Variants in XPNPEP1 observed in about 807,000 individuals in gnomAD.
XPNPEP1 encodes X-prolyl aminopeptidase 1.
A neutral mutation model predicts 92.4 loss-of-function variants in XPNPEP1; 39 were observed. The observed-to-expected ratio is 0.42, with a 90% CI of 0.33 to 0.55. The LOEUF is 0.55. Among genes scored for constraint, XPNPEP1 ranks in the 20% least tolerant of loss-of-function variants. The pLI is 0.08. For synonymous variants in XPNPEP1, 307 were observed against 299.4 expected (o/e 1.03, Z -0.26); for missense variants, 654 against 856.1 (o/e 0.76, Z 2.95).
At position 109,867,157 on chromosome 10, in the gene XPNPEP1, T is replaced by TG. The variant is rs1287868516; in HGVS notation, c.1872+1456dup. On this transcript the variant is annotated intron_variant, in intron 20 of 20. Coordinates refer to ENST00000502935, the MANE Select transcript of XPNPEP1 (RefSeq NM_020383.4). The surrounding 1 kb of genome is among the most constrained non-coding windows in gnomAD (Gnocchi z 4.5). ...CCCCTTGCTAAGTCCCTGGAAGCTG[T>TG]GCCCAAGGGCCATTACAAGAGACAC... Among the ~76,000 whole-genome samples, 1 of 152,338 alleles carries TG rather than the reference T, an allele frequency of 6.6e-6. No individual in the cohort carries two copies. The highest frequency in any genetic ancestry group is 1.9e-4 in the East Asian group (1 of 5,180).
intron 12 of XPNPEP1, among the ~76,000 whole-genome samples, chr10:109,879,214 C>A (rs1333695375): frequency 4.0e-5 from 6 of 151,468 alleles, no homozygotes; most frequent in Non-Finnish European, 8.8e-5. Flanking sequence ...TGCACTCCAG[C>A]CTGGGCGATG....
At chr10:109,923,259 C>G in intron 1 of XPNPEP1, 143 bp downstream of exon 1, 1 of 1,187,610 alleles carries the variant, frequency 8.4e-7, no homozygotes, top group Non-Finnish European at 1.0e-6. Flanking sequence ...TGTTCCGGGG[C>G]TCCGGCGAGC....
intron 2 of XPNPEP1, among the ~76,000 whole-genome samples, chr10:109,909,992 T>C (rs1849775511): frequency 6.6e-6 from 1 of 152,220 alleles, no homozygotes; most frequent in Admixed American, 6.5e-5. Context: ...CCTGCATTCA[T>C]TCGTGGTGTT....
At chr10:109,892,503 C>T (rs925052608) in intron 4 of XPNPEP1, 1 of 157,794 alleles carries the variant, frequency 6.3e-6, no homozygotes, top group African/African-American at 2.4e-5. Context: ...AGTGGGGAGT[C>T]CACCCTAAAA....
chr10:109,912,135 C>G (rs1033297183), intron 2 of XPNPEP1, among the ~76,000 whole-genome samples: 44 of 152,116 alleles, frequency 2.9e-4, no homozygotes, highest in African/African-American at 9.9e-4. Flanking sequence ...GCATATCAGA[C>G]CCCCACAGAA....
rs1259572071 is a variant in XPNPEP1, at chr10:109,921,198, T to C, written c.32+2204A>G. Reference sequence around the variant, plus strand: ...CTAGAAGAATATACCTCAGGGACTATCCAACTCAATTCCCTCCTCTAGACC... The same window carrying C: ...CTAGAAGAATATACCTCAGGGACTACCCAACTCAATTCCCTCCTCTAGACC... On this transcript the variant is annotated intron_variant, in intron 1 of 20. Coordinates refer to ENST00000502935, the MANE Select transcript of XPNPEP1 (RefSeq NM_020383.4). Among the ~76,000 whole-genome samples the C allele has an allele frequency of 2.6e-5, 4 of 152,192 alleles. No homozygotes were observed. In the East Asian group the frequency reaches 7.7e-4, roughly 29 times the overall value.
intron 5 of XPNPEP1, among the ~76,000 whole-genome samples, chr10:109,889,832 AG>A (rs974922364): frequency 6.6e-6 from 1 of 152,202 alleles, no homozygotes; most frequent in Non-Finnish European, 1.5e-5. Context: ...GGAAGTGCAA[AG>A]GTTTATAAAG....
At chr10:109,883,781 T>C (rs1378305981) in intron 9 of XPNPEP1, 1 of 318,814 alleles carries the variant, frequency 3.1e-6, no homozygotes, top group East Asian at 5.3e-5. Context: ...TAATTGAGCA[T>C]ATATACCCCT....
At chr10:109,899,145 G>C (rs532018105) in intron 3 of XPNPEP1, among the ~76,000 whole-genome samples, 1 of 152,252 alleles carries the variant, frequency 6.6e-6, no homozygotes, top group South Asian at 2.1e-4. Flanking sequence ...ACCAAGTCAG[G>C]GTATGTGGGA....
At chr10:109,902,622 C>T (rs1346112965) in intron 3 of XPNPEP1, among the ~76,000 whole-genome samples, 3 of 152,128 alleles carry the variant, frequency 2.0e-5, no homozygotes, top group Non-Finnish European at 4.4e-5. Flanking sequence ...ATAGAAATGA[C>T]AGTTAAGATT....
In XPNPEP1 at chr10:109,882,614, C is replaced by G; in HGVS notation, c.859G>C (p.Ala287Pro). Residue 287 changes from alanine to proline, a missense_variant, in exon 10 of 21, where the codon GCC (alanine) becomes CCC (proline). Ala to Pro is a conservative substitution (Grantham distance 27). Transcript: ENST00000502935. ...MLFIDGDRID[A>P]PSVKEHLLLD... ...AGCAGGTGCTCCTTCACACTGGGGG[C>G]GTCTATGCGGTCACCATCAATGAAG... The G allele has an allele frequency of 6.2e-7, 1 of 1,614,044 alleles. No individual in the cohort carries two copies. The highest frequency in any genetic ancestry group is 1.1e-5 in the South Asian group (1 of 91,070).
rs528461931 is a variant in XPNPEP1, at chr10:109,891,690, A to G, written c.415+32T>C. 3 of 1,524,224 alleles carry G rather than the reference A, an allele frequency of 2.0e-6. No individual in the cohort carries two copies. In the African/African-American group the frequency reaches 4.2e-5, roughly 21 times the overall value. The allele number at this position is 1,524,224 out of a possible 1,614,324, so 94.4% of individuals were successfully genotyped here. ...TAGGATCCCTGCCCAGATCAGGCCA[A>G]CTAAGTTTGGGCTAGCCATGCCTGT... On this transcript the variant is annotated intron_variant, in intron 5 of 20. Transcript: ENST00000502935.
chr10:109,867,506 G>A lies in XPNPEP1; in HGVS notation c.1872+1108C>T, dbSNP rs1401886194. On this transcript the variant is annotated intron_variant, in intron 20 of 20. Transcript: ENST00000502935. The surrounding 1 kb of genome is among the most constrained non-coding windows in gnomAD (Gnocchi z 4.5). Reference sequence around the variant, plus strand: ...CACAGAGGAAAGCTAAGCAGGAAGTGGATGGACTTTCTCATCACCCACCTG... The same window carrying A: ...CACAGAGGAAAGCTAAGCAGGAAGTAGATGGACTTTCTCATCACCCACCTG... Among the ~76,000 whole-genome samples, 5 of 152,236 alleles carry A rather than the reference G, an allele frequency of 3.3e-5. No individual in the cohort carries two copies. The highest frequency in any genetic ancestry group is 1.3e-4 in the Admixed American group (2 of 15,286).
At chr10:109,923,321 C>T in intron 1 of XPNPEP1, 81 bp downstream of exon 1, 1 of 1,335,886 alleles carries the variant, frequency 7.5e-7, no homozygotes, top group South Asian at 1.7e-5. Context: ...CGCGTCCCTG[C>T]CCGCCGAGGT....
At chr10:109,879,971 A>T (rs548360857) in intron 12 of XPNPEP1, among the ~76,000 whole-genome samples, 22 of 152,284 alleles carry the variant, frequency 1.4e-4, no homozygotes, top group African/African-American at 5.3e-4. Context: ...CTATTATGGA[A>T]CTTTTCTTCA....
intron 3 of XPNPEP1, among the ~76,000 whole-genome samples, chr10:109,906,942 T>C (rs781233385): frequency 2.0e-5 from 3 of 152,210 alleles, no homozygotes; most frequent in Non-Finnish European, 4.4e-5. Context: ...CAGATTTTCT[T>C]GATCACACTT....
intron 9 of XPNPEP1, chr10:109,883,778 G>T (rs61104049): frequency 3.3e-6 from 1 of 302,022 alleles, no homozygotes; most frequent in South Asian, 1.3e-4. Flanking sequence ...GTATAATTGA[G>T]CATATATACC....
intron 12 of XPNPEP1, among the ~76,000 whole-genome samples, chr10:109,879,703 T>C (rs1387295621): frequency 6.6e-6 from 1 of 152,202 alleles, no homozygotes; most frequent in Non-Finnish European, 1.5e-5. Context: ...GAGTTGTTTA[T>C]ACAATACTTA....
rs761735121 is a variant in XPNPEP1, at chr10:109,873,417, T to C, written c.1402A>G (p.Thr468Ala). 1.9e-6 allele frequency: 3 copies of C among 1,614,184 alleles called. No homozygotes were observed. The highest frequency in any genetic ancestry group is 1.7e-6 in the Non-Finnish European group (2 of 1,180,030). Residue 468 changes from threonine to alanine, a missense_variant, in exon 16 of 21, where the codon ACA becomes GCA. Physicochemically the swap from Thr to Ala is moderately conservative, Grantham distance 58. Coordinates refer to ENST00000502935, the MANE Select transcript of XPNPEP1 (RefSeq NM_020383.4). The part of the protein sequence containing the change: ...DSGAQYKDGT[T>A]DVTRTMHFGT... ...AAATGCATTGTCCGCGTCACATCTG[T>C]GGTGCCATCCCTTTCCAAAAAAAGG...
Sources: gnomAD v4.1 joint callset for allele counts (sites outside exome capture counted in the v4.1 genomes callset) on GRCh38, gnomAD v4.1.1 for gene constraint, Gnocchi (gnomAD v3.1) non-coding constraint, MANE v1.5 for transcripts, NCBI Gene and HGNC (gene_info 2026-07-23, HGNC 2026-07-21) for gene names.